TBC1D5: variants seen among roughly 807,000 people sequenced by gnomAD.
The protein encoded by TBC1D5 is TBC1 domain family, member 5.
TBC1D5 carries 75 observed loss-of-function variants against 100.3 expected under a neutral mutation model. That is an observed-to-expected ratio of 0.75 (90% CI 0.62 to 0.91). The LOEUF is 0.91. Among genes scored for constraint, TBC1D5 ranks in the 40% least tolerant of loss-of-function variants. The pLI is 0.00. For missense variants in TBC1D5, 910 were observed against 942.4 expected (o/e 0.97, Z 0.45); for synonymous variants, 323 against 325.6 (o/e 0.99, Z 0.09).
At chr3:17,643,118 C>A (rs1372721651) in intron 1 of TBC1D5, among the ~76,000 whole-genome samples, 1 of 152,010 alleles carries the variant, frequency 6.6e-6, no homozygotes, top group Non-Finnish European at 1.5e-5. Context: ...TAGCCTCCCC[C>A]AATCTGTGGG....
chr3:17,678,689 AG>A (rs1466784820), intron 1 of TBC1D5, among the ~76,000 whole-genome samples: 4 of 145,194 alleles, frequency 2.8e-5, no homozygotes, highest in African/African-American at 1.0e-4. Context: ...AAAAAAAAAC[AG>A]GAAAAGAAAA....
intron 4 of TBC1D5, among the ~76,000 whole-genome samples, chr3:17,427,380 C>T (rs984878064): frequency 6.6e-6 from 1 of 151,928 alleles, no homozygotes; most frequent in Non-Finnish European, 1.5e-5. Flanking sequence ...TCATTTACTA[C>T]ATTTTTGTCA....
chr3:17,199,851 A>G (rs1446679884), intron 18 of TBC1D5, among the ~76,000 whole-genome samples: 1 of 152,206 alleles, frequency 6.6e-6, no homozygotes, highest in Non-Finnish European at 1.5e-5. Flanking sequence ...GGTTTATTTA[A>G]TGAGATCAGG....
intron 1 of TBC1D5, among the ~76,000 whole-genome samples, chr3:17,677,455 T>C (rs2068791794): frequency 6.6e-6 from 1 of 152,156 alleles, no homozygotes; most frequent in South Asian, 2.1e-4. Context: ...TGAGATACCA[T>C]CTCACACCAG....
intron 1 of TBC1D5, among the ~76,000 whole-genome samples, chr3:17,684,365 T>C (rs770084813): frequency 7.2e-5 from 11 of 152,128 alleles, no homozygotes; most frequent in Non-Finnish European, 7.4e-5. Context: ...TACAATTTTA[T>C]AGTGAAACCT....
intron 18 of TBC1D5, among the ~76,000 whole-genome samples, chr3:17,196,733 T>G (rs957411535): frequency 2.6e-5 from 4 of 152,242 alleles, no homozygotes; most frequent in African/African-American, 9.6e-5. Flanking sequence ...GGTTTGTTAC[T>G]TGAGAACAAG....
chr3:17,639,014 T>C (rs2064238697), intron 1 of TBC1D5, among the ~76,000 whole-genome samples: 1 of 152,092 alleles, frequency 6.6e-6, no homozygotes, highest in South Asian at 2.1e-4. Flanking sequence ...CACTCTTAGG[T>C]ATCTACCCAA....
At chr3:17,380,280 T>C (rs911498026) in intron 9 of TBC1D5, among the ~76,000 whole-genome samples, 3 of 152,048 alleles carry the variant, frequency 2.0e-5, no homozygotes, top group African/African-American at 7.2e-5. Flanking sequence ...GAATGGAAAT[T>C]AAGTCTTTTG....
At chr3:17,718,203 C>T (rs2075393499) in intron 1 of TBC1D5, among the ~76,000 whole-genome samples, 1 of 152,146 alleles carries the variant, frequency 6.6e-6, no homozygotes, top group African/African-American at 2.4e-5. Context: ...TGGCATATTC[C>T]CAAAGGTTTT....
At chr3:17,209,314 T>A (rs138875338) in intron 18 of TBC1D5, among the ~76,000 whole-genome samples, 2 of 152,180 alleles carry the variant, frequency 1.3e-5, no homozygotes, top group Non-Finnish European at 2.9e-5. Flanking sequence ...ACCTGGCTAA[T>A]TAAAAACAAA....
chr3:17,235,208 C>A (rs1028639734), intron 17 of TBC1D5, among the ~76,000 whole-genome samples: 2 of 152,156 alleles, frequency 1.3e-5, no homozygotes, highest in African/African-American at 4.8e-5. Context: ...AACACAAAGA[C>A]AAACTACAGA....
rs145909379 is a variant in TBC1D5, at chr3:17,269,763, G to C, written c.1246-11172C>G. 9.9e-3 allele frequency among the ~76,000 whole-genome samples: 1,496 copies of C among 151,740 alleles called. 28 individuals carry two copies. Among genetic ancestry groups the C allele is most frequent in the African/African-American group, 0.034 (1,402 of 41,360 alleles). ...CATGTGATAATTTGGTTTTGTTTCT[G>C]TGTTAAGTCACTTAGGACTATGGCC... On this transcript the variant is annotated intron_variant, in intron 15 of 21. Transcript: ENST00000253692.
chr3:17,236,301 G>GT, intron 17 of TBC1D5, among the ~76,000 whole-genome samples: 1 of 152,194 alleles, frequency 6.6e-6, no homozygotes. Flanking sequence ...TATTGAAATC[G>GT]TATTTGTTTA....
At chr3:17,177,983 C>T (rs1191352432) in intron 19 of TBC1D5, among the ~76,000 whole-genome samples, 2 of 151,666 alleles carry the variant, frequency 1.3e-5, no homozygotes. Context: ...CTTTCTGTGC[C>T]TGGCTTATTT....
chr3:17,251,595 T>C (rs1158230831), intron 16 of TBC1D5, among the ~76,000 whole-genome samples: 1 of 152,172 alleles, frequency 6.6e-6, no homozygotes, highest in Non-Finnish European at 1.5e-5. Flanking sequence ...ATTTCATGGA[T>C]AAGAATATCT....
intron 2 of TBC1D5, among the ~76,000 whole-genome samples, chr3:17,620,716 C>A (rs189986637): frequency 1.3e-5 from 2 of 152,124 alleles, no homozygotes; most frequent in Admixed American, 6.5e-5. Context: ...TCTGAGTATA[C>A]CTTTTTGTAC....
chr3:17,620,474 G>C (rs2062568070), intron 2 of TBC1D5, among the ~76,000 whole-genome samples: 1 of 152,180 alleles, frequency 6.6e-6, no homozygotes, highest in African/African-American at 2.4e-5. Flanking sequence ...CTGCAAAAAC[G>C]AATGAGGAAA....
intron 16 of TBC1D5, among the ~76,000 whole-genome samples, chr3:17,245,992 G>C (rs2076705607): frequency 6.6e-6 from 1 of 152,012 alleles, no homozygotes; most frequent in African/African-American, 2.4e-5. Flanking sequence ...CACACTTTGG[G>C]AAGTTTTTGC....
chr3:17,374,563 C>G (rs370727635), intron 11 of TBC1D5, 23 bp from the exon 12 acceptor site: 1 of 1,609,920 alleles, frequency 6.2e-7, no homozygotes, highest in African/African-American at 1.3e-5. Flanking sequence ...TAACACAATG[C>G]TATGTAACTT....
Sources: gnomAD v4.1 joint callset for allele counts (sites outside exome capture counted in the v4.1 genomes callset) on GRCh38, gnomAD v4.1.1 for gene constraint, MANE v1.5 for transcripts, NCBI Gene and HGNC (gene_info 2026-07-23, HGNC 2026-07-21) for gene names.